Variants in CLTC observed in about 807,000 individuals in gnomAD.
CLTC encodes clathrin heavy chain 1.
In CLTC, 16 loss-of-function variants were observed where a neutral mutation model predicts 195.8. The observed-to-expected ratio is 0.08, with a 90% confidence interval of 0.06 to 0.12. The LOEUF (loss-of-function observed/expected upper bound fraction) is 0.12, where lower values mean the gene tolerates loss of function less well. CLTC is among the 10% of genes least tolerant of loss of function. The pLI is 1.00. For missense variants in CLTC, 796 were observed against 2,027.0 expected (o/e 0.39, Z 11.66); for synonymous variants, 667 against 689.4 (o/e 0.97, Z 0.51).
chr17:59,625,878 T>A (rs987833278), intron 1 of CLTC, among the ~76,000 whole-genome samples: 1 of 152,220 alleles, frequency 6.6e-6, no homozygotes, highest in Non-Finnish European at 1.5e-5. Flanking sequence ...TTGCTTTTTT[T>A]TCTCTGGGAA....
At position 59,694,238 on chromosome 17, in the gene CLTC, A is replaced by G. The variant is rs1298659443; in HGVS notation, c.*386A>G. On this transcript the variant is annotated 3_prime_UTR_variant, in exon 32 of 32. Transcript: ENST00000269122. Reference sequence around the variant, plus strand: ...TTTAGTGTATGTAAACAGCTTACAAATACGTATTGTCTAAATGCATTTAAA... The same window carrying G: ...TTTAGTGTATGTAAACAGCTTACAAGTACGTATTGTCTAAATGCATTTAAA... 1 of 220,874 alleles carries G rather than the reference A, an allele frequency of 4.5e-6. No homozygotes were observed. Among genetic ancestry groups the G allele is most frequent in the African/African-American group, 2.2e-5 (1 of 44,540 alleles). 13.7% of individuals were successfully genotyped at this position (220,874 alleles called of 1,614,324 possible). A position where few individuals can be genotyped will look rare whatever the true frequency, so the allele number is the denominator to read the frequency against.
In CLTC at chr17:59,644,529, GTTTTTTTTTGT is replaced by G. The variant is rs752324796; in HGVS notation, c.250+60_250+70del. The G allele has an allele frequency of 1.4e-4, 156 of 1,130,492 alleles. No homozygotes were observed. The African/African-American group carries it at 2.5e-3, about 18-fold the overall frequency. 70.0% of individuals were successfully genotyped at this position (1,130,492 alleles called of 1,614,324 possible). ...TCCTTAAAACTCTTCCTATGTTTTTGTTTTTTTTTGTTTTTTTTTTGTTTGTTTGTTTGTTT... is the reference window on the plus strand; with the variant it reads ...TCCTTAAAACTCTTCCTATGTTTTTGTTTTTTTTTGTTTGTTTGTTTGTTT... On this transcript the variant is annotated intron_variant, in intron 2 of 31. Coordinates refer to ENST00000269122, the MANE Select transcript of CLTC (RefSeq NM_004859.4).
Position 59,694,165 on chromosome 17 carries a change from CTG to C in CLTC, c.*315_*316del, listed in dbSNP as rs1237405246. ...TGTTGTGAAGAACCTGATTTGCACT[CTG>C]TAGTGTTTAAAGAAACAAAGAAACT... On this transcript the variant is annotated 3_prime_UTR_variant, in exon 32 of 32. Coordinates refer to ENST00000269122, the MANE Select transcript of CLTC (RefSeq NM_004859.4). The C allele has an allele frequency of 5.4e-5, 13 of 241,116 alleles. 1 individual carries two copies. Among genetic ancestry groups the C allele is most frequent in the Admixed American group, 3.3e-4 (6 of 18,184 alleles). 14.9% of individuals were successfully genotyped at this position (241,116 alleles called of 1,614,324 possible). A position where few individuals can be genotyped will look rare whatever the true frequency, so the allele number is the denominator to read the frequency against.
intron 1 of CLTC, among the ~76,000 whole-genome samples, chr17:59,630,873 G>A (rs76571696): frequency 0.035 from 5,319 of 152,258 alleles, 313 homozygotes; most frequent in African/African-American, 0.12. Flanking sequence ...TCATGTACAA[G>A]TTTTTGTTTG....
In CLTC at chr17:59,693,840, G is replaced by C; in HGVS notation, c.5016G>C (p.Gly1672=). Residue 1672 remains glycine (G), a synonymous_variant, in exon 32 of 32, where the codon GGG becomes GGC. Transcript: ENST00000269122. ...ATGGACAGCCACAGCCTGGCTTTGGGTACAGCATGTGAGATGAAGCGCTGA... is the reference window on the plus strand; with the variant it reads ...ATGGACAGCCACAGCCTGGCTTTGGCTACAGCATGTGAGATGAAGCGCTGA... ...PPYGQPQPGF[G]YSM 1.9e-6 allele frequency: 3 copies of C among 1,611,206 alleles called. No individual in the cohort carries two copies. Among genetic ancestry groups the C allele is most frequent in the Non-Finnish European group, 2.5e-6 (3 of 1,178,596 alleles).
At position 59,668,909 on chromosome 17, in the gene CLTC, A is replaced by G. The variant is rs778173928; in HGVS notation, c.2261A>G (p.Tyr754Cys). 1 of 1,612,490 alleles carries G rather than the reference A, an allele frequency of 6.2e-7. No homozygotes were observed. ...VERICRESNC[Y>C]DPERVKNFLK... ...AGAATCTGTAGAGAAAGCAACTGCT[A>G]CGATCCTGAGCGAGTCAAGAATTTT... Residue 754 changes from tyrosine to cysteine, a missense_variant, in exon 14 of 32, where the codon TAC (tyrosine) becomes TGC (cysteine). Transcript: ENST00000269122.
Position 59,695,834 on chromosome 17 carries a change from G to GAAA in CLTC, c.*1990_*1992dup, listed in dbSNP as rs200153124. On this transcript the variant is annotated 3_prime_UTR_variant, in exon 32 of 32. Transcript: ENST00000269122. ...CCCTCAGTGCAAATATCAACACAGA[G>GAAA]AAAAAAAAAATAATAATAGTATTAT... 1 of 91,678 alleles carries GAAA rather than the reference G, an allele frequency of 1.1e-5. No homozygotes were observed. The highest frequency in any genetic ancestry group is 9.6e-4 in the South Asian group (1 of 1,040). The allele number at this position is 91,678 out of a possible 1,614,324, so 5.7% of individuals were successfully genotyped here.
At chr17:59,691,692 AAAT>A (rs1385664045) in intron 31 of CLTC, among the ~76,000 whole-genome samples, 2 of 149,544 alleles carry the variant, frequency 1.3e-5, no homozygotes, top group Admixed American at 6.7e-5. Context: ...CTACTGACAC[AAAT>A]AATAATATAT....
chr17:59,661,304 G>A (rs1160579295), intron 7 of CLTC, 139 bp from the exon 8 acceptor site: 4 of 650,584 alleles, frequency 6.1e-6, no homozygotes, highest in Non-Finnish European at 1.1e-5. Context: ...TTAATAGATG[G>A]ATTCATTCCT....
rs561470013 is a variant in CLTC at position 59,683,549 on chromosome 17, T to G, written c.4191+13T>G. 16 of 1,613,348 alleles carry G rather than the reference T, an allele frequency of 9.9e-6. No individual in the cohort carries two copies. Among genetic ancestry groups the G allele is most frequent in the Admixed American group, 8.3e-5 (5 of 59,950 alleles). ...TATCATTACCAAGGTGTGTACTTTC[T>G]TCAGAAGATAAAGGATTCAGAAGGA... On this transcript the variant is annotated intron_variant, in intron 26 of 31. Coordinates refer to ENST00000269122, the MANE Select transcript of CLTC (RefSeq NM_004859.4). This position sits in a 1 kb window ranked among gnomAD's most constrained non-coding sequence, Gnocchi z 6.1.
At chr17:59,650,834 C>T (rs1177653918) in intron 4 of CLTC, among the ~76,000 whole-genome samples, 1 of 151,970 alleles carries the variant, frequency 6.6e-6, no homozygotes, top group Non-Finnish European at 1.5e-5. Context: ...ATTTTATCAC[C>T]ACAGTGATTT....
intron 6 of CLTC, among the ~76,000 whole-genome samples, chr17:59,658,472 G>A (rs774139875): frequency 7.9e-5 from 12 of 152,152 alleles, no homozygotes; most frequent in Non-Finnish European, 1.8e-4. Context: ...CAAATTTTAT[G>A]TGCCAGCTAC....
At chr17:59,642,120 C>G (rs2032056150) in intron 1 of CLTC, among the ~76,000 whole-genome samples, 1 of 149,316 alleles carries the variant, frequency 6.7e-6, no homozygotes, top group African/African-American at 2.5e-5. Flanking sequence ...GAATTGGAAA[C>G]ACAGGTTTTT....
rs2143596202 is a variant in CLTC at position 59,683,545 on chromosome 17, T to C, written c.4191+9T>C. 1 of 1,613,304 alleles carries C rather than the reference T, an allele frequency of 6.2e-7. No individual in the cohort carries two copies. The highest frequency in any genetic ancestry group is 2.2e-5 in the East Asian group (1 of 44,852). On this transcript the variant is annotated intron_variant, in intron 26 of 31. Coordinates refer to ENST00000269122, the MANE Select transcript of CLTC (RefSeq NM_004859.4). The surrounding 1 kb of genome is among the most constrained non-coding windows in gnomAD (Gnocchi z 6.1). ...AAGATATCATTACCAAGGTGTGTAC[T>C]TTCTTCAGAAGATAAAGGATTCAGA... is the stretch of plus-strand genomic sequence containing the variant.
intron 4 of CLTC, among the ~76,000 whole-genome samples, chr17:59,649,945 T>G (rs959594047): frequency 1.3e-5 from 2 of 152,200 alleles, no homozygotes; most frequent in African/African-American, 4.8e-5. Flanking sequence ...TTTTGAACAG[T>G]ATCTGGAAAC....
chr17:59,682,531 G>A lies in CLTC; in HGVS notation c.3601-98G>A. On this transcript the variant is annotated intron_variant, in intron 22 of 31. Coordinates refer to ENST00000269122, the MANE Select transcript of CLTC (RefSeq NM_004859.4). The surrounding 1 kb of genome is among the most constrained non-coding windows in gnomAD (Gnocchi z 6.8). ...AAGAATTCCAAGGAAAAATCTATAGGAAAACAAATTCTTTCTCATTGTGAA... is the reference window on the plus strand; with the variant it reads ...AAGAATTCCAAGGAAAAATCTATAGAAAAACAAATTCTTTCTCATTGTGAA... 1.3e-6 allele frequency: 2 copies of A among 1,578,590 alleles called. No homozygotes were observed. The highest frequency in any genetic ancestry group is 4.5e-5 in the East Asian group (2 of 44,472).
In CLTC at chr17:59,681,835, T is replaced by C; in HGVS notation, c.3438T>C (p.Thr1146=). 1 of 1,610,748 alleles carries C rather than the reference T, an allele frequency of 6.2e-7. No homozygotes were observed. Among genetic ancestry groups the C allele is most frequent in the East Asian group, 2.2e-5 (1 of 44,832 alleles). The part of the protein sequence containing the change: ...SYMEVVQAAN[T]SGNWEELVKY... ...TGGAAGTTGTTCAGGCTGCCAATAC[T>C]AGTGGTATGACTTCTTACCTTATGT... The change falls in exon 21 of 32, where the codon ACT becomes ACC. Residue 1146 remains threonine (T), a synonymous_variant. Transcript: ENST00000269122. This position sits in a 1 kb window ranked among gnomAD's most constrained non-coding sequence, Gnocchi z 5.0.
In CLTC at chr17:59,695,071, G is replaced by A. The variant is rs2033390074; in HGVS notation, c.*1219G>A. On this transcript the variant is annotated 3_prime_UTR_variant, in exon 32 of 32. Coordinates refer to ENST00000269122, the MANE Select transcript of CLTC (RefSeq NM_004859.4). ...CATTTCACTTAAATGAACAAATCAT[G>A]GCTGTTATATTAACTTGAAATAAAA... 4.8e-6 allele frequency: 1 copy of A among 207,368 alleles called. No homozygotes were observed. Among genetic ancestry groups the A allele is most frequent in the African/African-American group, 2.3e-5 (1 of 43,804 alleles). The allele number at this position is 207,368 out of a possible 1,614,324, so 12.8% of individuals were successfully genotyped here. A position where few individuals can be genotyped will look rare whatever the true frequency, so the allele number is the denominator to read the frequency against.
In CLTC at chr17:59,696,543, A is replaced by ATGAC. The variant is rs1056580670; in HGVS notation, c.*2693_*2696dup. 8 of 211,820 alleles carry ATGAC rather than the reference A, an allele frequency of 3.8e-5. No homozygotes were observed. In the Admixed American group the frequency reaches 4.7e-4, roughly 12 times the overall value. 13.1% of individuals were successfully genotyped at this position (211,820 alleles called of 1,614,324 possible). A position where few individuals can be genotyped will look rare whatever the true frequency, so the allele number is the denominator to read the frequency against. ...GAAGGCTTAAATAGTTTCTAACAAG[A>ATGAC]TGACTATCAGGAAGCTATGTGGCTT... On this transcript the variant is annotated 3_prime_UTR_variant, in exon 32 of 32. Transcript: ENST00000269122.
Sources: gnomAD v4.1 joint callset for allele counts (sites outside exome capture counted in the v4.1 genomes callset) on GRCh38, gnomAD v4.1.1 for gene constraint, Gnocchi (gnomAD v3.1) non-coding constraint, MANE v1.5 for transcripts, NCBI Gene and HGNC (gene_info 2026-07-23, HGNC 2026-07-21) for gene names.